The following ENDOD1 variants were observed in gnomAD, a reference collection of about 807,000 sequenced individuals.
The protein encoded by ENDOD1 is endonuclease domain containing 1, also known as endonuclease domain-containing 1 protein.
ENDOD1 carries 9 observed loss-of-function variants against 6.5 expected under a neutral mutation model. The observed-to-expected ratio is 1.39, with a 90% CI of 0.84 to 2.43. The LOEUF (loss-of-function observed/expected upper bound fraction) is 2.43, where lower values mean the gene tolerates loss of function less well. Among genes scored for constraint, ENDOD1 ranks in the 30% most tolerant of loss-of-function variants. The pLI, the probability that ENDOD1 is intolerant of heterozygous loss-of-function variation, is 0.00. For missense variants in ENDOD1, 648 were observed against 635.5 expected, an observed-to-expected ratio of 1.02 and a Z score of -0.21; for synonymous variants, 255 against 255.2, an observed-to-expected ratio of 1.00 and a Z score of 0.01.
At chr11:95,091,296 C>T (rs535122544) in intron 1 of ENDOD1, among the ~76,000 whole-genome samples, 3 of 152,342 alleles carry the variant, frequency 2.0e-5, no homozygotes, top group African/African-American at 7.2e-5. Context: ...GGCTGGCTTT[C>T]AGGTGCTTTA....
chr11:95,107,504 G>A (rs372706681), intron 1 of ENDOD1, among the ~76,000 whole-genome samples: 1 of 152,260 alleles, frequency 6.6e-6, no homozygotes. Flanking sequence ...TCTGAATTCT[G>A]TACCACACAG....
intron 1 of ENDOD1, among the ~76,000 whole-genome samples, chr11:95,118,894 C>CT (rs1205986093): frequency 1.3e-5 from 2 of 152,132 alleles, no homozygotes; most frequent in African/African-American, 4.8e-5. Context: ...TTCAAATAGT[C>CT]TGTCTTTAAG....
intron 1 of ENDOD1, among the ~76,000 whole-genome samples, chr11:95,117,208 C>T (rs1859219116): frequency 6.6e-6 from 1 of 152,146 alleles, no homozygotes; most frequent in African/African-American, 2.4e-5. Flanking sequence ...TCAGGAGTTC[C>T]AGACCAGCCT....
rs765396634 is a variant in ENDOD1 at position 95,129,482 on chromosome 11, C to G, written c.1406C>G (p.Thr469Ser). ...LGGTVSLLFD[T>S]AFGTLGGLFQ... ...GGCACTGTCTCACTGCTCTTTGACA[C>G]TGCTTTTGGTACCCTGGGTGGCCTA... The change falls in exon 2 of 2, where the codon ACT becomes AGT. Residue 469 changes from threonine (T) to serine (S), a missense_variant. Coordinates refer to ENST00000278505, the MANE Select transcript of ENDOD1 (RefSeq NM_015036.3). The G allele has an allele frequency of 7.4e-6, 12 of 1,614,100 alleles. No individual in the cohort carries two copies. The South Asian group carries it at 1.3e-4, about 18-fold the overall frequency.
At position 95,097,567 on chromosome 11, in the gene ENDOD1, G is replaced by A. The variant is rs138549020; in HGVS notation, c.300+7340G>A. ...ACTGTGTGTGAAGTGGGAAGCAATTGTGCAGGGTTCTGAGCAGAGAGCTTC... is the reference window on the plus strand; with the variant it reads ...ACTGTGTGTGAAGTGGGAAGCAATTATGCAGGGTTCTGAGCAGAGAGCTTC... On this transcript the variant is annotated intron_variant, in intron 1 of 1. Transcript: ENST00000278505. Among the ~76,000 whole-genome samples, 83 of 152,332 alleles carry A rather than the reference G, an allele frequency of 5.4e-4. 1 individual carries two copies. Among genetic ancestry groups the A allele is most frequent in the African/African-American group, 1.9e-3 (78 of 41,578 alleles).
chr11:95,097,851 C>G (rs1859001517), intron 1 of ENDOD1, among the ~76,000 whole-genome samples: 1 of 152,114 alleles, frequency 6.6e-6, no homozygotes, highest in African/African-American at 2.4e-5. Flanking sequence ...ATGGAGTTGT[C>G]ATGAATAAGA....
At chr11:95,112,192 C>A (rs186499601) in intron 1 of ENDOD1, among the ~76,000 whole-genome samples, 3 of 152,228 alleles carry the variant, frequency 2.0e-5, no homozygotes, top group African/African-American at 7.2e-5. Context: ...TTTGGCATGA[C>A]CCTAGACAAC....
intron 1 of ENDOD1, among the ~76,000 whole-genome samples, chr11:95,092,728 G>A (rs1858943293): frequency 6.6e-6 from 1 of 152,154 alleles, no homozygotes; most frequent in South Asian, 2.1e-4. Context: ...GGTGTGAGGT[G>A]CAGCTGGGCC....
intron 1 of ENDOD1, 31 bp from the exon 2 acceptor site, chr11:95,128,346 A>T: frequency 6.3e-7 from 1 of 1,591,808 alleles, no homozygotes; most frequent in Non-Finnish European, 8.6e-7. Flanking sequence ...GTAAGCAGGG[A>T]TGCATCTCAC....
rs1021823972 is a variant in ENDOD1, at chr11:95,131,581, C to G, written c.*2002C>G. On this transcript the variant is annotated 3_prime_UTR_variant, in exon 2 of 2. Transcript: ENST00000278505. ...CTATTATTCAGTTGCCTCTCTGGAC[C>G]ATGGCAAGATTTCCTCATTCATCAA... 6.6e-6 allele frequency: 1 copy of G among 152,218 alleles called. No individual in the cohort carries two copies. Among genetic ancestry groups the G allele is most frequent in the African/African-American group, 2.4e-5 (1 of 41,452 alleles). The allele number at this position is 152,218 out of a possible 1,614,324, so 9.4% of individuals were successfully genotyped here.
chr11:95,128,256 A>G (rs1341698177), intron 1 of ENDOD1, 121 bp from the exon 2 acceptor site: 1 of 1,199,570 alleles, frequency 8.3e-7, no homozygotes, highest in African/African-American at 1.5e-5. Flanking sequence ...AGTCCTTCCA[A>G]ACTCAAGCGT....
intron 1 of ENDOD1, among the ~76,000 whole-genome samples, chr11:95,114,119 G>T (rs1048100088): frequency 6.6e-6 from 1 of 151,994 alleles, no homozygotes; most frequent in African/African-American, 2.4e-5. Flanking sequence ...ATGTTTCATT[G>T]ATTGATCAAT....
intron 1 of ENDOD1, 69 bp downstream of exon 1, chr11:95,090,296 G>A: frequency 7.4e-7 from 1 of 1,346,120 alleles, no homozygotes; most frequent in Non-Finnish European, 9.5e-7. Context: ...GCCCCCAGTT[G>A]CAGCTACCGC....
intron 1 of ENDOD1, among the ~76,000 whole-genome samples, chr11:95,092,795 T>C (rs1306426690): frequency 6.6e-6 from 1 of 152,138 alleles, no homozygotes; most frequent in Non-Finnish European, 1.5e-5. Flanking sequence ...AGGCCCTGCC[T>C]CCCAGCCAAG....
intron 1 of ENDOD1, among the ~76,000 whole-genome samples, 162 bp from the exon 2 acceptor site, chr11:95,128,215 C>G (rs1859330428): frequency 6.6e-6 from 1 of 152,178 alleles, no homozygotes; most frequent in African/African-American, 2.4e-5. Flanking sequence ...TTTGGTATAT[C>G]AGAATGAAGT....
chr11:95,117,982 G>A (rs1859227046), intron 1 of ENDOD1, among the ~76,000 whole-genome samples: 1 of 152,032 alleles, frequency 6.6e-6, no homozygotes, highest in Non-Finnish European at 1.5e-5. Flanking sequence ...ATTATTTTAA[G>A]CTGATAACAA....
intron 1 of ENDOD1, among the ~76,000 whole-genome samples, chr11:95,106,575 T>A (rs782091538): frequency 1.3e-5 from 2 of 152,318 alleles, no homozygotes; most frequent in Admixed American, 6.5e-5. Flanking sequence ...AGTAGACTTC[T>A]CACTCCACCT....
chr11:95,108,747 C>G (rs1339743475), intron 1 of ENDOD1, among the ~76,000 whole-genome samples: 1 of 152,154 alleles, frequency 6.6e-6, no homozygotes, highest in Non-Finnish European at 1.5e-5. Flanking sequence ...CCATCCTCCC[C>G]CTCCATTGTT....
At chr11:95,097,650 CAT>C (rs1859000169) in intron 1 of ENDOD1, among the ~76,000 whole-genome samples, 1 of 152,156 alleles carries the variant, frequency 6.6e-6, no homozygotes, top group Non-Finnish European at 1.5e-5. Context: ...TGAGAATAGA[CAT>C]GTGGTGTTAA....
Sources: gnomAD v4.1 joint callset for allele counts (sites outside exome capture counted in the v4.1 genomes callset) on GRCh38, gnomAD v4.1.1 for gene constraint, MANE v1.5 for transcripts, NCBI Gene and HGNC (gene_info 2026-07-23, HGNC 2026-07-21) for gene names.